The following BBS2 variants were observed in gnomAD, a reference collection of about 807,000 sequenced individuals.
The protein encoded by BBS2 is BBSome complex member BBS2.
In BBS2, 62 loss-of-function variants were observed where a neutral mutation model predicts 83.0. That is an observed-to-expected ratio of 0.75 (90% CI 0.61 to 0.92). The LOEUF (loss-of-function observed/expected upper bound fraction) is 0.92. BBS2 is among the 40% of genes least tolerant of loss of function. The pLI is 0.00. For synonymous variants in BBS2, 303 were observed against 326.1 expected, an observed-to-expected ratio of 0.93 and a Z score of 0.76; for missense variants, 784 against 901.0, an observed-to-expected ratio of 0.87 and a Z score of 1.66.
In BBS2 at chr16:56,471,949, A is replaced by T. The variant is rs185935225; in HGVS notation, c.*1-1254T>A. 1.0e-4 allele frequency among the ~76,000 whole-genome samples: 15 copies of T among 145,012 alleles called. 1 individual carries two copies. In the East Asian group the frequency reaches 2.4e-3, roughly 23 times the overall value. On this transcript the variant is annotated intron_variant, in intron 17 of 17. Coordinates refer to the BBS2 transcript ENST00000682047. The stretch of plus-strand genomic sequence containing the variant: ...AAGGGATTTTTTAAAAAACTTATCC[A>T]CTTCTGTTTGTTTGTTTGTTTGTTT...
intron 15 of BBS2, among the ~76,000 whole-genome samples, chr16:56,492,983 C>G (rs1342214951): frequency 6.6e-6 from 1 of 152,112 alleles, no homozygotes; most frequent in Non-Finnish European, 1.5e-5. Context: ...ATAGAGGAAA[C>G]TGGCTGAAAA....
intron 12 of BBS2, chr16:56,499,546 G>GT (rs1964202610): frequency 2.0e-6 from 1 of 491,004 alleles, no homozygotes; most frequent in African/African-American, 2.0e-5. Context: ...TTAAACACTG[G>GT]TAAGAATTCA....
At chr16:56,500,429 C>T in intron 11 of BBS2, 1 of 248,980 alleles carries the variant, frequency 4.0e-6, no homozygotes, top group Non-Finnish European at 7.8e-6. Context: ...AGTTCAAGAC[C>T]AGCCTGGCCA....
intron 15 of BBS2, among the ~76,000 whole-genome samples, chr16:56,487,375 ATAGT>A (rs537776877): frequency 3.7e-4 from 56 of 152,318 alleles, no homozygotes; most frequent in South Asian, 1.2e-3. Context: ...AAACTATAAG[ATAGT>A]TAGTAAAGGG....
chr16:56,487,168 T>G (rs1567565247), intron 15 of BBS2, among the ~76,000 whole-genome samples: 6 of 152,108 alleles, frequency 3.9e-5, no homozygotes, highest in Admixed American at 2.6e-4. Context: ...TCTGCATGTA[T>G]GAGTTATATA....
At chr16:56,501,083 G>T in intron 10 of BBS2, 58 bp from the exon 11 acceptor site, 1 of 1,576,370 alleles carries the variant, frequency 6.3e-7, no homozygotes, top group Non-Finnish European at 8.7e-7. Flanking sequence ...AGCTGAGGTG[G>T]GCAGATCACG....
At chr16:56,472,173 T>C (rs911819667) in intron 17 of BBS2, among the ~76,000 whole-genome samples, 44 of 152,072 alleles carry the variant, frequency 2.9e-4, no homozygotes, top group African/African-American at 1.0e-3. Context: ...TCTTGCCATG[T>C]TGCCCAGGCT....
intron 13 of BBS2, 142 bp downstream of exon 13, chr16:56,498,295 T>G (rs1376130368): frequency 9.0e-7 from 1 of 1,113,930 alleles, no homozygotes. Flanking sequence ...TTTTATGACC[T>G]TGACATTGAT....
At chr16:56,476,033 G>A in intron 17 of BBS2, 1 of 1,605,972 alleles carries the variant, frequency 6.2e-7, no homozygotes. Flanking sequence ...CACTGTATTT[G>A]TCTTTTTCAG....
chr16:56,490,083 C>T (rs1597005723), intron 15 of BBS2, among the ~76,000 whole-genome samples: 1 of 151,572 alleles, frequency 6.6e-6, no homozygotes, highest in African/African-American at 2.4e-5. Context: ...CTCTGCACTC[C>T]AGCCTGGGTG....
intron 2 of BBS2, among the ~76,000 whole-genome samples, chr16:56,512,038 G>A (rs1486826618): frequency 1.3e-5 from 2 of 152,064 alleles, no homozygotes; most frequent in African/African-American, 4.8e-5. Context: ...ATAGGCAAAA[G>A]ACTTAAGACA....
At chr16:56,510,536 A>G (rs1941795045) in intron 4 of BBS2, among the ~76,000 whole-genome samples, 1 of 152,206 alleles carries the variant, frequency 6.6e-6, no homozygotes, top group Non-Finnish European at 1.5e-5. Flanking sequence ...ATTGAAAACT[A>G]TATACTAATA....
At chr16:56,477,566 G>A (rs1963538522) in intron 17 of BBS2, 1 of 152,110 alleles carries the variant, frequency 6.6e-6, no homozygotes. Flanking sequence ...TTTAAGAGAC[G>A]GAATGCTAAA....
chr16:56,518,664 G>C (rs1380687822), intron 1 of BBS2, among the ~76,000 whole-genome samples: 7 of 101,920 alleles, frequency 6.9e-5, no homozygotes, highest in Non-Finnish European at 1.0e-4. Context: ...ATAAAGTTTT[G>C]TGCCTGTTAT....
At chr16:56,486,434 A>C (rs1412951716) in intron 15 of BBS2, among the ~76,000 whole-genome samples, 1 of 152,248 alleles carries the variant, frequency 6.6e-6, no homozygotes, top group Admixed American at 6.5e-5. Flanking sequence ...TCTACTCACC[A>C]AAGTCTGGAA....
At chr16:56,518,356 C>T (rs1964810638) in intron 1 of BBS2, among the ~76,000 whole-genome samples, 2 of 152,222 alleles carry the variant, frequency 1.3e-5, no homozygotes, top group Non-Finnish European at 2.9e-5. Flanking sequence ...ACATTCCACA[C>T]TTTCTAGTTG....
At chr16:56,499,753 T>C (rs746087865) in intron 12 of BBS2, 25 bp downstream of exon 12, 1 of 1,613,770 alleles carries the variant, frequency 6.2e-7, no homozygotes, top group Non-Finnish European at 8.5e-7. Flanking sequence ...GTAAAAGCAT[T>C]GAAAGAGAAA....
Position 56,500,963 on chromosome 16 carries a change from C to T in BBS2, c.1288G>A (p.Val430Ile). Residue 430 changes from valine (V) to isoleucine (I), a missense_variant, in exon 11 of 17, where the codon GTA becomes ATA. Val to Ile is a conservative substitution (Grantham distance 29). Transcript: ENST00000245157. The part of the protein sequence containing the change: ...EGIFTGESHV[V>I]HPSIHNLSSS... ...GAGAGGTTGTGAATGCTGGGATGTACCACGTGGCTTTCACCTGTAAAAATT... is the reference window on the plus strand; with the variant it reads ...GAGAGGTTGTGAATGCTGGGATGTATCACGTGGCTTTCACCTGTAAAAATT... 1.2e-6 allele frequency: 2 copies of T among 1,614,102 alleles called. No homozygotes were observed. The highest frequency in any genetic ancestry group is 1.7e-6 in the Non-Finnish European group (2 of 1,180,014).
At chr16:56,515,045 CAAG>C (rs1350943680) in intron 1 of BBS2, among the ~76,000 whole-genome samples, 1 of 152,190 alleles carries the variant, frequency 6.6e-6, no homozygotes, top group African/African-American at 2.4e-5. Flanking sequence ...TGCCACACAC[CAAG>C]AAGATCATGG....
Sources: allele counts gnomAD v4.1 joint callset (sites outside exome capture counted in the v4.1 genomes callset), GRCh38; gene constraint gnomAD v4.1.1; transcripts MANE v1.5; gene names NCBI Gene and HGNC (gene_info 2026-07-23, HGNC 2026-07-21).